Variants in SCAF4 observed in about 807,000 individuals in gnomAD.
SCAF4 encodes SR-related and CTD-associated factor 4.
A neutral mutation model predicts 129.8 loss-of-function variants in SCAF4; 25 were observed. The observed-to-expected ratio is 0.19, with a 90% confidence interval of 0.14 to 0.27. SCAF4 has a LOEUF of 0.27. Among genes scored for constraint, SCAF4 ranks in the 10% least tolerant of loss-of-function variants. SCAF4 has a pLI of 1.00. For missense variants in SCAF4, 1,246 were observed against 1,457.1 expected (o/e 0.86, Z 2.36); for synonymous variants, 551 against 497.7 (o/e 1.11, Z -1.43).
intron 1 of SCAF4, among the ~76,000 whole-genome samples, chr21:31,728,220 A>T (rs569826780): frequency 1.8e-4 from 28 of 152,324 alleles, no homozygotes; most frequent in African/African-American, 6.5e-4. Context: ...AACTAAAGCT[A>T]AAGACTTATA....
At chr21:31,675,411 G>A (rs994416723) in intron 19 of SCAF4, among the ~76,000 whole-genome samples, 1 of 152,182 alleles carries the variant, frequency 6.6e-6, no homozygotes, top group Non-Finnish European at 1.5e-5. Context: ...ATCCAGCAGT[G>A]ACAGTGATAG....
At chr21:31,731,082 T>C (rs1304069461) in intron 1 of SCAF4, among the ~76,000 whole-genome samples, 2 of 152,210 alleles carry the variant, frequency 1.3e-5, no homozygotes, top group Non-Finnish European at 2.9e-5. Flanking sequence ...ATTAGCCCTA[T>C]TTCCCAAGTG....
intron 7 of SCAF4, among the ~76,000 whole-genome samples, chr21:31,699,890 G>C (rs183552657): frequency 6.6e-6 from 1 of 152,172 alleles, no homozygotes; most frequent in African/African-American, 2.4e-5. Flanking sequence ...CTTAGTGGCA[G>C]CTTCTTAAAC....
chr21:31,674,982 G>GGGTGTGT (rs2049814311), intron 19 of SCAF4, among the ~76,000 whole-genome samples: 1 of 152,184 alleles, frequency 6.6e-6, no homozygotes, highest in Admixed American at 6.5e-5. Context: ...AATCTGAGTG[G>GGGTGTGT]CAGTCATCGG....
chr21:31,726,153 C>A (rs1362687672), intron 1 of SCAF4, among the ~76,000 whole-genome samples: 2 of 151,874 alleles, frequency 1.3e-5, no homozygotes, highest in African/African-American at 4.8e-5. Context: ...TCACACCATT[C>A]TCCTGCCTCA....
intron 1 of SCAF4, among the ~76,000 whole-genome samples, chr21:31,714,659 T>G (rs1173331991): frequency 6.6e-6 from 1 of 152,204 alleles, no homozygotes; most frequent in Non-Finnish European, 1.5e-5. Flanking sequence ...GTTTAGGGAT[T>G]AGTCAAAGTA....
chr21:31,726,433 G>A (rs1240139061), intron 1 of SCAF4, among the ~76,000 whole-genome samples: 1 of 152,180 alleles, frequency 6.6e-6, no homozygotes, highest in Non-Finnish European at 1.5e-5. Context: ...GGGCTAAGGT[G>A]GGCTAATCAC....
At chr21:31,727,684 C>T (rs1197033536) in intron 1 of SCAF4, among the ~76,000 whole-genome samples, 2 of 151,722 alleles carry the variant, frequency 1.3e-5, no homozygotes, top group African/African-American at 4.8e-5. Context: ...CCCAGCTACT[C>T]GGGAGGAGAG....
intron 19 of SCAF4, among the ~76,000 whole-genome samples, chr21:31,674,484 TGATAG>T (rs952834182): frequency 6.6e-6 from 1 of 152,350 alleles, no homozygotes; most frequent in African/African-American, 2.4e-5. Context: ...TATAGATTCC[TGATAG>T]AATATGCCCA....
At chr21:31,694,579 T>G (rs1215237970) in intron 10 of SCAF4, among the ~76,000 whole-genome samples, 1 of 152,222 alleles carries the variant, frequency 6.6e-6, no homozygotes, top group Non-Finnish European at 1.5e-5. Flanking sequence ...TGCAGTGAAG[T>G]AGGCACTAGT....
chr21:31,690,261 G>A (rs2050228174), intron 15 of SCAF4, among the ~76,000 whole-genome samples: 2 of 152,082 alleles, frequency 1.3e-5, no homozygotes, highest in East Asian at 3.9e-4. Flanking sequence ...GAGGTGGGCG[G>A]ATCATTTGAG....
At chr21:31,716,083 C>A (rs1480715154) in intron 1 of SCAF4, among the ~76,000 whole-genome samples, 2 of 152,038 alleles carry the variant, frequency 1.3e-5, no homozygotes, top group Non-Finnish European at 2.9e-5. Flanking sequence ...GTTGCCGAGG[C>A]AATAAGAATT....
At chr21:31,709,234 G>A (rs1037809648) in intron 1 of SCAF4, among the ~76,000 whole-genome samples, 5 of 151,770 alleles carry the variant, frequency 3.3e-5, no homozygotes, top group African/African-American at 1.2e-4. Flanking sequence ...GCTGAACCAG[G>A]TACTTCCTTT....
At chr21:31,719,289 C>T (rs112325907) in intron 1 of SCAF4, among the ~76,000 whole-genome samples, 2,410 of 150,464 alleles carry the variant, frequency 0.016, 69 homozygotes, top group African/African-American at 0.056. Flanking sequence ...AAACTCTGTC[C>T]CAAAAAAAAA....
At position 31,672,232 on chromosome 21, in the gene SCAF4, G is replaced by GT; in HGVS notation, c.2610dup (p.Gln871ThrfsTer47). ...CGGGGCGGCATCAAAGGGAACCGCTGTAAGTGAGGTGGGGGCATTCCTGGA... is the reference window on the plus strand; with the variant it reads ...CGGGGCGGCATCAAAGGGAACCGCTGTTAAGTGAGGTGGGGGCATTCCTGGA... On this transcript the variant is annotated frameshift_variant, in exon 20 of 20. Coordinates refer to ENST00000286835, the MANE Select transcript of SCAF4 (RefSeq NM_020706.2). LOFTEE classifies it high-confidence loss of function. 1 of 1,612,258 alleles carries GT rather than the reference G, an allele frequency of 6.2e-7. No homozygotes were observed. The highest frequency in any genetic ancestry group is 8.5e-7 in the Non-Finnish European group (1 of 1,179,176).
chr21:31,702,404 A>G, intron 4 of SCAF4, 25 bp from the exon 5 acceptor site: 1 of 1,602,238 alleles, frequency 6.2e-7, no homozygotes, highest in Non-Finnish European at 8.5e-7. Context: ...AAACACAAAT[A>G]TACAATAAAT....
intron 19 of SCAF4, among the ~76,000 whole-genome samples, chr21:31,673,359 G>A (rs2049761608): frequency 6.6e-6 from 1 of 152,184 alleles, no homozygotes; most frequent in Non-Finnish European, 1.5e-5. Context: ...GTACTGTTAA[G>A]AACATGCTAT....
chr21:31,673,198 TCAA>T (rs2049756324), intron 19 of SCAF4, among the ~76,000 whole-genome samples: 4 of 152,276 alleles, frequency 2.6e-5, no homozygotes, highest in Admixed American at 2.6e-4. Flanking sequence ...TCACGCAAGT[TCAA>T]CAACCTGTCA....
At chr21:31,682,775 G>C (rs2050026737) in intron 19 of SCAF4, among the ~76,000 whole-genome samples, 1 of 152,188 alleles carries the variant, frequency 6.6e-6, no homozygotes, top group Non-Finnish European at 1.5e-5. Flanking sequence ...TTAGTTCTGG[G>C]ATTCCATCAC....
Sources: allele counts gnomAD v4.1 joint callset (sites outside exome capture counted in the v4.1 genomes callset), GRCh38; gene constraint gnomAD v4.1.1; transcripts MANE v1.5; gene names NCBI Gene and HGNC (gene_info 2026-07-23, HGNC 2026-07-21).